NR3C2: variants seen among roughly 807,000 people sequenced by gnomAD.
NR3C2 encodes the protein mineralocorticoid receptor.
NR3C2 carries 15 observed loss-of-function variants against 86.4 expected under a neutral mutation model. The observed-to-expected ratio is 0.17, with a 90% confidence interval of 0.12 to 0.27. The LOEUF is 0.27. Ranked by LOEUF, NR3C2 falls within the 10% of genes least tolerant of loss-of-function variation. The probability of loss-of-function intolerance (pLI) is 1.00; values close to 1 mark genes in which losing one functional copy is unlikely to be tolerated. For missense variants in NR3C2, 960 were observed against 1,195.6 expected, an observed-to-expected ratio of 0.80 and a Z score of 2.91; for synonymous variants, 458 against 450.5, an observed-to-expected ratio of 1.02 and a Z score of -0.21.
At chr4:148,391,091 G>C (rs1014782445) in intron 2 of NR3C2, among the ~76,000 whole-genome samples, 1 of 152,094 alleles carries the variant, frequency 6.6e-6, no homozygotes, top group African/African-American at 2.4e-5. Context: ...TTCCCATAGA[G>C]GAACTGATAG....
intron 2 of NR3C2, among the ~76,000 whole-genome samples, chr4:148,362,100 T>C (rs12510074): frequency 6.6e-6 from 1 of 152,104 alleles, no homozygotes; most frequent in African/African-American, 2.4e-5. Context: ...AGGCCACCCA[T>C]AGTGCTGGGA....
At chr4:148,334,262 A>G (rs1486082253) in intron 2 of NR3C2, among the ~76,000 whole-genome samples, 5 of 152,182 alleles carry the variant, frequency 3.3e-5, no homozygotes, top group Admixed American at 6.5e-5. Flanking sequence ...ACACAAATGG[A>G]CCAGGCGCGG....
rs527733806 is a variant in NR3C2, at chr4:148,253,754, T to A, written c.1897+6224A>T. 1.4e-4 allele frequency among the ~76,000 whole-genome samples: 21 copies of A among 152,270 alleles called. No individual in the cohort carries two copies. In the South Asian group the frequency reaches 3.7e-3, roughly 27 times the overall value. ...TTTTTTCCCCCATAGCCAATCACCT[T>A]TTCATATGTTACATAAATAACTCAT... On this transcript the variant is annotated intron_variant, in intron 3 of 8. Transcript: ENST00000358102.
At position 148,154,645 on chromosome 4, in the gene NR3C2, T is replaced by C; in HGVS notation, c.2271A>G (p.Ser757=). The change falls in exon 5 of 9, where the codon TCA becomes TCG. Residue 757 remains serine, a synonymous_variant. Coordinates refer to ENST00000358102, the MANE Select transcript of NR3C2 (RefSeq NM_000901.5). The part of the protein sequence containing the change: ...PEIVYAGYDS[S]KPDTAENLLS... Reference sequence around the variant, plus strand: ...GCAGATTTTCGGCTGTATCTGGTTTTGAGCTGTCATAGCCTGCATATACAA... The same window carrying C: ...GCAGATTTTCGGCTGTATCTGGTTTCGAGCTGTCATAGCCTGCATATACAA... 1.2e-6 allele frequency: 2 copies of C among 1,614,228 alleles called. No homozygotes were observed. The highest frequency in any genetic ancestry group is 2.2e-5 in the East Asian group (1 of 44,878).
At chr4:148,226,956 A>C (rs1738201475) in intron 3 of NR3C2, among the ~76,000 whole-genome samples, 1 of 152,190 alleles carries the variant, frequency 6.6e-6, no homozygotes, top group Non-Finnish European at 1.5e-5. Context: ...CTAACAAAAA[A>C]GTTTAAGAAA....
chr4:148,115,203 T>A (rs1446777884), intron 7 of NR3C2, among the ~76,000 whole-genome samples: 1 of 152,188 alleles, frequency 6.6e-6, no homozygotes, highest in Non-Finnish European at 1.5e-5. Context: ...TTTAAAAAAA[T>A]TCACTTAAAA....
intron 8 of NR3C2, among the ~76,000 whole-genome samples, chr4:148,104,152 C>G (rs1000634571): frequency 2.6e-5 from 4 of 152,288 alleles, no homozygotes; most frequent in Non-Finnish European, 5.9e-5. Flanking sequence ...TTGGCTCCAC[C>G]ACCTCTCACT....
chr4:148,241,762 T>A (rs1579057338), intron 3 of NR3C2, among the ~76,000 whole-genome samples: 1 of 152,344 alleles, frequency 6.6e-6, no homozygotes, highest in East Asian at 1.9e-4. Flanking sequence ...CCAGTGCCAA[T>A]GACAGCATCT....
chr4:148,441,762 G>A (rs1312056751), intron 1 of NR3C2, among the ~76,000 whole-genome samples: 3 of 152,174 alleles, frequency 2.0e-5, no homozygotes, highest in Non-Finnish European at 4.4e-5. Context: ...TCCTTCAACT[G>A]CCCTTATGCG....
At chr4:148,084,713 T>C (rs1188396524) in intron 8 of NR3C2, among the ~76,000 whole-genome samples, 1 of 152,126 alleles carries the variant, frequency 6.6e-6, no homozygotes, top group Middle Eastern at 3.2e-3. Flanking sequence ...AAAGACACAG[T>C]CTGGCAAATT....
chr4:148,210,538 G>A (rs1737233791), intron 3 of NR3C2, among the ~76,000 whole-genome samples: 1 of 152,142 alleles, frequency 6.6e-6, no homozygotes. Flanking sequence ...CCAGACCCAA[G>A]CCCAGTGAAT....
chr4:148,175,262 A>C (rs972160256), intron 4 of NR3C2, among the ~76,000 whole-genome samples: 5 of 152,226 alleles, frequency 3.3e-5, no homozygotes, highest in African/African-American at 1.2e-4. Context: ...CAATGTCAGC[A>C]ACCCTTGGAG....
intron 2 of NR3C2, among the ~76,000 whole-genome samples, chr4:148,352,426 A>ATCTATCTC (rs1561058325): frequency 7.3e-6 from 1 of 137,382 alleles, no homozygotes; most frequent in Non-Finnish European, 1.6e-5. Flanking sequence ...CTATCTATCT[A>ATCTATCTC]TCTCCTTGTT....
intron 6 of NR3C2, among the ~76,000 whole-genome samples, chr4:148,125,539 C>T (rs535605132): frequency 6.6e-6 from 1 of 152,148 alleles, no homozygotes; most frequent in Non-Finnish European, 1.5e-5. Flanking sequence ...CCTAGTTTTG[C>T]ACCTTTTAAA....
chr4:148,409,975 A>G (rs1400304552), intron 2 of NR3C2, among the ~76,000 whole-genome samples: 4 of 152,148 alleles, frequency 2.6e-5, no homozygotes, highest in East Asian at 1.9e-4. Flanking sequence ...TAATGTCTAT[A>G]AAGTCCTTTA....
At chr4:148,094,652 T>C (rs1276842186) in intron 8 of NR3C2, among the ~76,000 whole-genome samples, 2 of 150,562 alleles carry the variant, frequency 1.3e-5, no homozygotes, top group Non-Finnish European at 1.5e-5. Flanking sequence ...GAGGCGGAGG[T>C]TGCAGTGAGC....
At chr4:148,185,524 A>T (rs2149794561) in intron 4 of NR3C2, among the ~76,000 whole-genome samples, 1 of 152,202 alleles carries the variant, frequency 6.6e-6, no homozygotes. Flanking sequence ...TTTTTTTTTA[A>T]TAGGCAATAT....
At chr4:148,401,525 G>A (rs527607729) in intron 2 of NR3C2, among the ~76,000 whole-genome samples, 39 of 146,800 alleles carry the variant, frequency 2.7e-4, no homozygotes, top group African/African-American at 7.0e-4. Flanking sequence ...GTGCAGTGGC[G>A]CAATCTAGGC....
intron 2 of NR3C2, among the ~76,000 whole-genome samples, chr4:148,422,265 T>A (rs997739452): frequency 6.6e-6 from 1 of 151,748 alleles, no homozygotes; most frequent in African/African-American, 2.4e-5. Flanking sequence ...GGGGAATAGC[T>A]CACATGTATA....
Sources: allele counts gnomAD v4.1 joint callset (sites outside exome capture counted in the v4.1 genomes callset), GRCh38; gene constraint gnomAD v4.1.1; transcripts MANE v1.5; gene names NCBI Gene and HGNC (gene_info 2026-07-23, HGNC 2026-07-21).